Variants in RBFOX1 observed in about 807,000 individuals in gnomAD.
The protein encoded by RBFOX1 is RNA binding fox-1 homolog 1.
RBFOX1 carries 8 observed loss-of-function variants against 57.7 expected under a neutral mutation model. The observed-to-expected ratio is 0.14, with a 90% CI of 0.08 to 0.25. The LOEUF is 0.25. Ranked by LOEUF, RBFOX1 falls within the 10% of genes least tolerant of loss-of-function variation. The pLI, the probability that RBFOX1 is intolerant of heterozygous loss-of-function variation, is 1.00. For synonymous variants in RBFOX1, 326 were observed against 222.4 expected (o/e 1.47, Z -4.15); for missense variants, 611 against 548.5 (o/e 1.11, Z -1.14).
intron 4 of RBFOX1, among the ~76,000 whole-genome samples, chr16:6,006,233 T>A (rs2094926402): frequency 6.6e-6 from 1 of 152,168 alleles, no homozygotes; most frequent in Admixed American, 6.5e-5. Context: ...CAGGTGGGGT[T>A]GAATCTGTAC....
At chr16:6,908,892 C>T (rs1038320571) in intron 3 of RBFOX1, among the ~76,000 whole-genome samples, 1 of 152,108 alleles carries the variant, frequency 6.6e-6, no homozygotes, top group Admixed American at 6.6e-5. Context: ...CAATGCTAGG[C>T]ACATCCTAAG....
intron 2 of RBFOX1, among the ~76,000 whole-genome samples, chr16:6,424,782 C>T (rs1179534917): frequency 3.3e-5 from 5 of 152,024 alleles, no homozygotes; most frequent in Non-Finnish European, 5.9e-5. Flanking sequence ...GATGAAATGA[C>T]GTTGCAACCA....
Position 5,400,539 on chromosome 16 carries a change from A to G in RBFOX1, c.220-66677A>G, listed in dbSNP as rs140154315. 1.4e-3 allele frequency among the ~76,000 whole-genome samples: 219 copies of G among 152,336 alleles called. 3 individuals carry two copies. Among genetic ancestry groups the G allele is most frequent in the African/African-American group, 4.9e-3 (204 of 41,586 alleles). On this transcript the variant is annotated intron_variant, in intron 1 of 2. Transcript: ENST00000585867. ...GTATCATTTCTATCCTGATTAAAAA[A>G]TATTATCTCTTGAACATATTCCCTT...
intron 2 of RBFOX1, among the ~76,000 whole-genome samples, chr16:6,464,477 C>T (rs777293716): frequency 4.6e-5 from 7 of 152,112 alleles, no homozygotes; most frequent in South Asian, 2.1e-4. Flanking sequence ...TTTGTAATAA[C>T]GAAGTCCTAC....
intron 4 of RBFOX1, among the ~76,000 whole-genome samples, chr16:7,130,636 A>G (rs907743932): frequency 6.6e-6 from 1 of 152,198 alleles, no homozygotes; most frequent in Non-Finnish European, 1.5e-5. Flanking sequence ...TAGGTTTTAT[A>G]GCCAATGACA....
chr16:5,528,737 C>T (rs1368645125), intron 2 of RBFOX1, among the ~76,000 whole-genome samples: 1 of 151,792 alleles, frequency 6.6e-6, no homozygotes, highest in Non-Finnish European at 1.5e-5. Context: ...GCAACCTCCA[C>T]CTCCCAGGTT....
chr16:5,990,195 T>G (rs1041931642), intron 4 of RBFOX1, among the ~76,000 whole-genome samples: 1 of 152,118 alleles, frequency 6.6e-6, no homozygotes, highest in East Asian at 1.9e-4. Flanking sequence ...ACTTTGTGGC[T>G]CAGGCTGGTT....
chr16:5,552,449 T>A (rs1318540906), intron 2 of RBFOX1, among the ~76,000 whole-genome samples: 1 of 152,136 alleles, frequency 6.6e-6, no homozygotes, highest in Non-Finnish European at 1.5e-5. Flanking sequence ...GTGCGGGATG[T>A]TTTAGTCCAT....
At chr16:7,139,770 T>G (rs956890187) in intron 4 of RBFOX1, among the ~76,000 whole-genome samples, 5 of 152,246 alleles carry the variant, frequency 3.3e-5, no homozygotes, top group African/African-American at 1.2e-4. Context: ...CTTTTTTTTT[T>G]AAGTTCATCG....
At chr16:6,410,804 A>G (rs562074935) in intron 2 of RBFOX1, among the ~76,000 whole-genome samples, 3 of 152,296 alleles carry the variant, frequency 2.0e-5, no homozygotes, top group Non-Finnish European at 4.4e-5. Flanking sequence ...GTTGGAGTGG[A>G]AACAAACCTA....
chr16:6,732,707 G>A (rs2068979695), intron 3 of RBFOX1, among the ~76,000 whole-genome samples: 1 of 152,202 alleles, frequency 6.6e-6, no homozygotes, highest in Admixed American at 6.5e-5. Flanking sequence ...GTTGCCTAAA[G>A]CACATAAGCC....
chr16:5,400,240 T>TG (rs2066676832), intron 1 of RBFOX1, among the ~76,000 whole-genome samples: 1 of 151,946 alleles, frequency 6.6e-6, no homozygotes, highest in African/African-American at 2.4e-5. Context: ...TACAGGTGCT[T>TG]GCCACCACAC....
At chr16:5,771,031 C>T (rs1054155561) in intron 3 of RBFOX1, among the ~76,000 whole-genome samples, 3 of 152,136 alleles carry the variant, frequency 2.0e-5, no homozygotes, top group African/African-American at 7.2e-5. Context: ...CATGGAGTCT[C>T]CTGGAGGAGA....
At chr16:6,885,206 G>A (rs1167382627) in intron 3 of RBFOX1, among the ~76,000 whole-genome samples, 1 of 152,150 alleles carries the variant, frequency 6.6e-6, no homozygotes. Flanking sequence ...CATCACTTCA[G>A]AAAACTAGAA....
chr16:7,403,179 G>A (rs948575850), intron 4 of RBFOX1, among the ~76,000 whole-genome samples: 2 of 152,108 alleles, frequency 1.3e-5, no homozygotes, highest in African/African-American at 2.4e-5. Context: ...ATTATGCAGT[G>A]ACCACCACTC....
At chr16:7,224,667 AAAGACCAAAT>A in intron 4 of RBFOX1, among the ~76,000 whole-genome samples, 1 of 152,338 alleles carries the variant, frequency 6.6e-6, no homozygotes, top group South Asian at 2.1e-4. Flanking sequence ...AATAAAGTAG[AAAGACCAAAT>A]AAGTGATATT....
intron 1 of RBFOX1, among the ~76,000 whole-genome samples, chr16:5,253,541 C>T (rs1195958688): frequency 2.0e-5 from 3 of 152,156 alleles, no homozygotes. Context: ...GTATATGTGT[C>T]CAGCTGGCTT....
intron 2 of RBFOX1, among the ~76,000 whole-genome samples, chr16:6,488,708 T>G (rs1287572106): frequency 2.0e-5 from 3 of 152,170 alleles, no homozygotes; most frequent in Non-Finnish European, 4.4e-5. Flanking sequence ...CGTTAGGGTT[T>G]CTCAAACAGG....
chr16:6,194,746 G>A (rs567882664), intron 1 of RBFOX1, among the ~76,000 whole-genome samples: 1 of 152,184 alleles, frequency 6.6e-6, no homozygotes, highest in South Asian at 2.1e-4. Flanking sequence ...CATCTATCTT[G>A]ATGCATAATT....
Sources: allele counts gnomAD v4.1 joint callset (sites outside exome capture counted in the v4.1 genomes callset), GRCh38; gene constraint gnomAD v4.1.1; transcripts MANE v1.5; gene names NCBI Gene and HGNC (gene_info 2026-07-23, HGNC 2026-07-21).